The following SH3RF1 variants were observed in gnomAD, a reference collection of about 807,000 sequenced individuals.
SH3RF1 encodes the protein SH3 domain containing ring finger 1, also known as E3 ubiquitin-protein ligase SH3RF1.
SH3RF1 carries 32 observed loss-of-function variants against 74.0 expected under a neutral mutation model. The observed-to-expected ratio is 0.43, with a 90% confidence interval of 0.33 to 0.58. The LOEUF (loss-of-function observed/expected upper bound fraction) is 0.58. SH3RF1 is among the 20% of genes least tolerant of loss of function. The pLI is 0.05. For missense variants in SH3RF1, 954 were observed against 1,130.9 expected (o/e 0.84, Z 2.24); for synonymous variants, 396 against 439.6 (o/e 0.90, Z 1.24).
chr4:169,100,057 T>TA (rs1732993473), intron 11 of SH3RF1, among the ~76,000 whole-genome samples: 1 of 152,198 alleles, frequency 6.6e-6, no homozygotes, highest in Non-Finnish European at 1.5e-5. Context: ...TTTCAGGCAT[T>TA]GAAAGGCTTT....
chr4:169,109,252 C>G (rs542478869), intron 10 of SH3RF1, among the ~76,000 whole-genome samples: 1 of 152,248 alleles, frequency 6.6e-6, no homozygotes, highest in Non-Finnish European at 1.5e-5. Flanking sequence ...ACAATCTCAG[C>G]AAGCCACAGC....
At chr4:169,138,322 G>T (rs1375119817) in intron 4 of SH3RF1, among the ~76,000 whole-genome samples, 1 of 152,282 alleles carries the variant, frequency 6.6e-6, no homozygotes, top group Non-Finnish European at 1.5e-5. Context: ...CACAGGTTGG[G>T]TGTAAGGAGC....
At chr4:169,177,823 T>G (rs763107815) in intron 2 of SH3RF1, among the ~76,000 whole-genome samples, 1 of 152,134 alleles carries the variant, frequency 6.6e-6, no homozygotes, top group Non-Finnish European at 1.5e-5. Flanking sequence ...TCCTTATATT[T>G]GAATGAAAAC....
chr4:169,212,566 G>A (rs951022160), intron 2 of SH3RF1, among the ~76,000 whole-genome samples: 1 of 151,826 alleles, frequency 6.6e-6, no homozygotes, highest in African/African-American at 2.4e-5. Context: ...GCAGTTTTAG[G>A]TTCACAGCAA....
At chr4:169,233,579 G>A (rs529065851) in intron 2 of SH3RF1, among the ~76,000 whole-genome samples, 14 of 152,154 alleles carry the variant, frequency 9.2e-5, no homozygotes, top group African/African-American at 3.4e-4. Context: ...TGATAAACAC[G>A]AATTGTCATT....
chr4:169,162,223 A>G (rs1362768226), intron 2 of SH3RF1, among the ~76,000 whole-genome samples: 1 of 152,228 alleles, frequency 6.6e-6, no homozygotes, highest in African/African-American at 2.4e-5. Flanking sequence ...TTTTCCCTAC[A>G]AAGTAAAATA....
At position 169,136,493 on chromosome 4, in the gene SH3RF1, T is replaced by C; in HGVS notation, c.893A>G (p.Asn298Ser). The C allele has an allele frequency of 6.2e-7, 1 of 1,613,826 alleles. No individual in the cohort carries two copies. Among genetic ancestry groups the C allele is most frequent in the South Asian group, 1.1e-5 (1 of 91,036 alleles). The change falls in exon 5 of 12, where the codon AAC (asparagine) becomes AGC (serine). Residue 298 changes from asparagine (N) to serine (S), a missense_variant. Transcript: ENST00000284637. ...TAPKHSDTKK[N>S]TKKRHSFTSL... is the part of the protein sequence containing the mutation. ...AGTGAAGGAGTGCCGCTTTTTGGTG[T>C]TCTTCTTGGTGTCGGAGTGCTTTGG...
At chr4:169,155,741 C>T (rs1008619325) in intron 3 of SH3RF1, among the ~76,000 whole-genome samples, 166 bp from the exon 4 acceptor site, 20 of 152,198 alleles carry the variant, frequency 1.3e-4, no homozygotes, top group Non-Finnish European at 2.4e-4. Flanking sequence ...ATGAATTAAA[C>T]GGTAGCTACC....
At chr4:169,181,588 T>C (rs1001451827) in intron 2 of SH3RF1, among the ~76,000 whole-genome samples, 3 of 152,124 alleles carry the variant, frequency 2.0e-5, no homozygotes, top group Admixed American at 1.3e-4. Flanking sequence ...TCCTCACTCC[T>C]GAAGGTTAAT....
At chr4:169,111,540 T>C (rs1050509313) in intron 10 of SH3RF1, among the ~76,000 whole-genome samples, 2 of 151,916 alleles carry the variant, frequency 1.3e-5, no homozygotes, top group Non-Finnish European at 2.9e-5. Context: ...TTTGGGATTA[T>C]AGGTGTGAGC....
intron 2 of SH3RF1, among the ~76,000 whole-genome samples, chr4:169,249,101 G>T (rs554898568): frequency 2.0e-5 from 3 of 152,070 alleles, no homozygotes; most frequent in Non-Finnish European, 4.4e-5. Flanking sequence ...GGTGGTGGGC[G>T]CCTGTAGTCC....
intron 9 of SH3RF1, 60 bp downstream of exon 9, chr4:169,117,463 T>C: frequency 1.3e-6 from 2 of 1,580,960 alleles, no homozygotes; most frequent in Non-Finnish European, 8.6e-7. Context: ...TCATAAAAGA[T>C]CTACTATTAG....
intron 1 of SH3RF1, among the ~76,000 whole-genome samples, chr4:169,270,213 G>A (rs1445622622): frequency 1.3e-5 from 2 of 152,162 alleles, no homozygotes; most frequent in African/African-American, 2.4e-5. Context: ...AAGCCGGAGC[G>A]GGGGAGCCCC....
At chr4:169,205,711 T>C (rs1730244508) in intron 2 of SH3RF1, among the ~76,000 whole-genome samples, 1 of 152,202 alleles carries the variant, frequency 6.6e-6, no homozygotes, top group African/African-American at 2.4e-5. Flanking sequence ...TCTTTCCCTT[T>C]CTTGAAATTT....
At chr4:169,199,233 T>C (rs968412426) in intron 2 of SH3RF1, among the ~76,000 whole-genome samples, 2 of 152,046 alleles carry the variant, frequency 1.3e-5, no homozygotes, top group Non-Finnish European at 2.9e-5. Context: ...ATTTCAAAGG[T>C]ACCCATAAAC....
intron 3 of SH3RF1, among the ~76,000 whole-genome samples, chr4:169,156,018 T>C (rs1734044838): frequency 6.6e-6 from 1 of 152,224 alleles, no homozygotes; most frequent in South Asian, 2.1e-4. Flanking sequence ...TCGGCAGATA[T>C]ATTCCTGTAT....
intron 2 of SH3RF1, among the ~76,000 whole-genome samples, chr4:169,205,394 C>T (rs1236234463): frequency 6.6e-6 from 1 of 152,104 alleles, no homozygotes; most frequent in Non-Finnish European, 1.5e-5. Context: ...TTTTTGTAAT[C>T]CCACTGATAA....
At chr4:169,209,537 C>A (rs887705341) in intron 2 of SH3RF1, among the ~76,000 whole-genome samples, 1 of 152,122 alleles carries the variant, frequency 6.6e-6, no homozygotes, top group Non-Finnish European at 1.5e-5. Flanking sequence ...AGGACAGGGA[C>A]CATATCTTGC....
At chr4:169,134,714 C>T (rs542317089) in intron 5 of SH3RF1, among the ~76,000 whole-genome samples, 1 of 152,304 alleles carries the variant, frequency 6.6e-6, no homozygotes, top group South Asian at 2.1e-4. Context: ...ATGTCTTTTT[C>T]TCACACGGAT....
Sources: gnomAD v4.1 joint callset for allele counts (sites outside exome capture counted in the v4.1 genomes callset) on GRCh38, gnomAD v4.1.1 for gene constraint, MANE v1.5 for transcripts, NCBI Gene and HGNC (gene_info 2026-07-23, HGNC 2026-07-21) for gene names.